AK5: variants seen among roughly 807,000 people sequenced by gnomAD.
The protein encoded by AK5 is adenylate kinase isoenzyme 5.
Under a neutral mutation model 69.5 loss-of-function variants are expected in AK5, and 27 were observed. The observed-to-expected ratio is 0.39, with a 90% CI of 0.29 to 0.54. AK5 has a LOEUF of 0.54. Among genes scored for constraint, AK5 ranks in the 20% least tolerant of loss-of-function variants. The pLI, the probability that AK5 is intolerant of heterozygous loss-of-function variation, is 0.71. For missense variants in AK5, 531 were observed against 700.4 expected (o/e 0.76, Z 2.73); for synonymous variants, 260 against 244.4 (o/e 1.06, Z -0.60).
At chr1:77,386,550 G>A (rs1648041097) in intron 6 of AK5, among the ~76,000 whole-genome samples, 1 of 152,116 alleles carries the variant, frequency 6.6e-6, no homozygotes, top group African/African-American at 2.4e-5. Context: ...TGAAAGGGTG[G>A]GGGAAAATCA....
intron 10 of AK5, among the ~76,000 whole-genome samples, chr1:77,503,830 A>T (rs1033599186): frequency 1.3e-5 from 2 of 151,724 alleles, no homozygotes; most frequent in Non-Finnish European, 2.9e-5. Context: ...GCTTGAACCC[A>T]GGAGGTGGAG....
chr1:77,406,930 A>T (rs1206321105), intron 6 of AK5, among the ~76,000 whole-genome samples: 1 of 152,170 alleles, frequency 6.6e-6, no homozygotes, highest in African/African-American at 2.4e-5. Flanking sequence ...GTTTCCAAGT[A>T]ACTAAACTGC....
chr1:77,515,131 C>A (rs1368064150), intron 10 of AK5, among the ~76,000 whole-genome samples: 1 of 152,186 alleles, frequency 6.6e-6, no homozygotes, highest in Non-Finnish European at 1.5e-5. Context: ...TTTTGGGGAG[C>A]CTCCATAATT....
At chr1:77,446,013 A>G (rs1265970062) in intron 8 of AK5, among the ~76,000 whole-genome samples, 2 of 152,194 alleles carry the variant, frequency 1.3e-5, no homozygotes, top group Non-Finnish European at 2.9e-5. Context: ...GCCAAGGCCA[A>G]TGTCAAGATC....
intron 6 of AK5, among the ~76,000 whole-genome samples, chr1:77,381,014 GTC>G (rs1464830956): frequency 6.6e-6 from 1 of 152,162 alleles, no homozygotes; most frequent in Non-Finnish European, 1.5e-5. Context: ...AAGCTTGAGG[GTC>G]TCTCGGAGCA....
chr1:77,340,855 G>C (rs1008257359), intron 6 of AK5: 1 of 278,168 alleles, frequency 3.6e-6, no homozygotes, highest in African/African-American at 2.2e-5. Flanking sequence ...TAAAGTAACT[G>C]TCTGGGTGAT....
At chr1:77,313,085 C>T (rs1445693248) in intron 5 of AK5, among the ~76,000 whole-genome samples, 1 of 152,084 alleles carries the variant, frequency 6.6e-6, no homozygotes. Flanking sequence ...TCTGGTTTTT[C>T]CACCATTTCT....
Position 77,545,138 on chromosome 1 carries a change from A to G in AK5, c.1620+9100A>G, listed in dbSNP as rs563493987. On this transcript the variant is annotated intron_variant, in intron 13 of 13. Coordinates refer to ENST00000354567, the MANE Select transcript of AK5 (RefSeq NM_174858.3). ...TATACCCACACGCCCGCAATTAACA[A>G]TGCCCTTCACAACCTTGCCTCCCTC... Among the ~76,000 whole-genome samples, 5 of 152,336 alleles carry G rather than the reference A, an allele frequency of 3.3e-5. No homozygotes were observed. In the South Asian group the frequency reaches 1.0e-3, roughly 32 times the overall value.
intron 10 of AK5, among the ~76,000 whole-genome samples, chr1:77,502,825 CCTT>C (rs1656801199): frequency 6.6e-6 from 1 of 152,160 alleles, no homozygotes; most frequent in African/African-American, 2.4e-5. Flanking sequence ...CTTTTGAAGT[CCTT>C]CTTTTGGAGC....
At chr1:77,322,711 C>T (rs1660598381) in intron 5 of AK5, among the ~76,000 whole-genome samples, 1 of 152,008 alleles carries the variant, frequency 6.6e-6, no homozygotes, top group Admixed American at 6.6e-5. Flanking sequence ...AATTACGCAC[C>T]TTACTGTCTT....
chr1:77,516,707 G>A (rs529443177), intron 10 of AK5, among the ~76,000 whole-genome samples: 4 of 152,042 alleles, frequency 2.6e-5, no homozygotes, highest in South Asian at 2.1e-4. Context: ...TCCTTTCCAG[G>A]CACATGGAAA....
At chr1:77,353,069 G>A (rs1016394369) in intron 6 of AK5, among the ~76,000 whole-genome samples, 1 of 152,002 alleles carries the variant, frequency 6.6e-6, no homozygotes, top group Non-Finnish European at 1.5e-5. Flanking sequence ...AAAAAAATAA[G>A]AAATTTGTTT....
chr1:77,406,498 G>A (rs918080948), intron 6 of AK5, among the ~76,000 whole-genome samples: 3 of 152,092 alleles, frequency 2.0e-5, no homozygotes, highest in Non-Finnish European at 2.9e-5. Flanking sequence ...ATATTCAGTG[G>A]CCACCTTGTA....
chr1:77,483,692 A>T (rs138995893), intron 9 of AK5, among the ~76,000 whole-genome samples: 1 of 152,372 alleles, frequency 6.6e-6, no homozygotes, highest in East Asian at 1.9e-4. Flanking sequence ...AATAGCATCC[A>T]AAGCTCCCAC....
At chr1:77,461,234 C>A (rs180957212) in intron 8 of AK5, among the ~76,000 whole-genome samples, 1 of 150,278 alleles carries the variant, frequency 6.7e-6, no homozygotes, top group African/African-American at 2.4e-5. Context: ...GGGGTTTCAC[C>A]GTGTTAGCCA....
chr1:77,427,355 G>T (rs547537422), intron 8 of AK5, among the ~76,000 whole-genome samples: 1 of 152,154 alleles, frequency 6.6e-6, no homozygotes, highest in South Asian at 2.1e-4. Flanking sequence ...GGATAATAAA[G>T]AAATATTATT....
At position 77,533,520 on chromosome 1, in the gene AK5, A is replaced by AC. The variant is rs1553161648; in HGVS notation, c.1429-2327_1429-2326insC. On this transcript the variant is annotated intron_variant, in intron 12 of 13. Transcript: ENST00000354567. ...CAAGACTCTGTCACCAAAAAAAAAA[A>AC]AAAAAAAAAAAAAAACAGATTCTGC... 1.2e-3 allele frequency among the ~76,000 whole-genome samples: 178 copies of AC among 148,926 alleles called. 3 individuals carry two copies. Among genetic ancestry groups the AC allele is most frequent in the African/African-American group, 4.4e-3 (173 of 39,500 alleles).
chr1:77,394,336 T>C (rs1454023071), intron 6 of AK5, among the ~76,000 whole-genome samples: 4 of 152,190 alleles, frequency 2.6e-5, no homozygotes, highest in Non-Finnish European at 4.4e-5. Flanking sequence ...AGGATCTTCA[T>C]GGGCCTGGAA....
At chr1:77,290,532 T>A (rs990587097) in intron 2 of AK5, among the ~76,000 whole-genome samples, 2 of 152,208 alleles carry the variant, frequency 1.3e-5, no homozygotes, top group Non-Finnish European at 2.9e-5. Context: ...TTTAAAGCAT[T>A]AAATATGAGA....
Sources: gnomAD v4.1 joint callset for allele counts (sites outside exome capture counted in the v4.1 genomes callset) on GRCh38, gnomAD v4.1.1 for gene constraint, MANE v1.5 for transcripts, NCBI Gene and HGNC (gene_info 2026-07-23, HGNC 2026-07-21) for gene names.